ANKRD11: variants seen among roughly 807,000 people sequenced by gnomAD.
ANKRD11 encodes the protein ankyrin repeat domain 11.
In ANKRD11, 17 loss-of-function variants were observed where a neutral mutation model predicts 195.7. The ratio of observed to expected loss-of-function variants is 0.09; its 90% CI spans 0.06 to 0.13. The LOEUF (loss-of-function observed/expected upper bound fraction) is 0.13. Among genes scored for constraint, ANKRD11 ranks in the 10% least tolerant of loss-of-function variants. ANKRD11 has a pLI of 1.00. For missense variants in ANKRD11, 3,735 were observed against 3,566.1 expected, an observed-to-expected ratio of 1.05 and a Z score of -1.21; for synonymous variants, 1,953 against 1,528.1, an observed-to-expected ratio of 1.28 and a Z score of -6.49.
intron 7 of ANKRD11, chr16:89,287,877 C>T: frequency 3.1e-6 from 1 of 322,650 alleles, no homozygotes; most frequent in Non-Finnish European, 5.7e-6. Flanking sequence ...CAGATGTGGC[C>T]CCGTGTGACC....
intron 7 of ANKRD11, chr16:89,286,622 A>G: frequency 1.7e-6 from 2 of 1,188,186 alleles, no homozygotes; most frequent in Non-Finnish European, 2.1e-6. Flanking sequence ...GTGTTATGGA[A>G]AGGGTTGGGG....
rs546149399 is a variant in ANKRD11, at chr16:89,302,152, C to T, written c.226+3054G>A. 6.6e-5 allele frequency among the ~76,000 whole-genome samples: 10 copies of T among 152,362 alleles called. No homozygotes were observed. The East Asian group carries it at 1.2e-3, about 18-fold the overall frequency. On this transcript the variant is annotated intron_variant, in intron 4 of 12. Coordinates refer to ENST00000301030, the MANE Select transcript of ANKRD11 (RefSeq NM_013275.6). Reference sequence around the variant, plus strand: ...CACCCCACTCATTTCTGAGCAAGAACGGCTCCTCTGGGGGAAGGAGGGGAC... The same window carrying T: ...CACCCCACTCATTTCTGAGCAAGAATGGCTCCTCTGGGGGAAGGAGGGGAC...
At chr16:89,323,707 C>A in intron 2 of ANKRD11, 1 of 290,120 alleles carries the variant, frequency 3.4e-6, no homozygotes, top group Non-Finnish European at 6.7e-6. Flanking sequence ...CCTCCACACA[C>A]CCCTGCACGT....
chr16:89,359,353 T>TTA (rs1338839173), intron 2 of ANKRD11, among the ~76,000 whole-genome samples: 1 of 152,130 alleles, frequency 6.6e-6, no homozygotes, highest in Non-Finnish European at 1.5e-5. Context: ...GTACAGCCCT[T>TTA]TAAAAAGCAG....
intron 4 of ANKRD11, among the ~76,000 whole-genome samples, chr16:89,297,263 C>T (rs898477648): frequency 2.0e-5 from 3 of 152,188 alleles, no homozygotes; most frequent in Admixed American, 6.5e-5. Flanking sequence ...GCAACTCCTG[C>T]GTCCCACCGT....
intron 2 of ANKRD11, among the ~76,000 whole-genome samples, chr16:89,387,614 A>G (rs1311654252): frequency 6.7e-6 from 1 of 148,544 alleles, no homozygotes; most frequent in African/African-American, 2.5e-5. Flanking sequence ...CAGAGCTTGC[A>G]GTGAGCCGAG....
chr16:89,432,585 T>G (rs1387297821), intron 1 of ANKRD11, among the ~76,000 whole-genome samples: 3 of 152,178 alleles, frequency 2.0e-5, no homozygotes, highest in South Asian at 2.1e-4. Context: ...GGTCTTGACT[T>G]TCTTCCTTAT....
intron 2 of ANKRD11, among the ~76,000 whole-genome samples, chr16:89,365,102 G>T (rs2039890047): frequency 6.6e-6 from 1 of 152,150 alleles, no homozygotes. Context: ...AAAGTGACAA[G>T]ACTCTCCTTC....
intron 2 of ANKRD11, among the ~76,000 whole-genome samples, chr16:89,384,879 C>CCTTTTTTTTTTTTTTTTTTTTT (rs2040832561): frequency 2.0e-5 from 1 of 49,910 alleles, no homozygotes; most frequent in African/African-American, 7.9e-5. Context: ...AAATAGTTTT[C>CCTTTTTTTTTTTTTTTTTTTTT]TTTTTTTTTT....
intron 1 of ANKRD11, among the ~76,000 whole-genome samples, chr16:89,459,805 T>C (rs1329200838): frequency 2.0e-5 from 3 of 151,946 alleles, no homozygotes; most frequent in Non-Finnish European, 2.9e-5. Flanking sequence ...ATGGTGGTCG[T>C]GCCTGCAGTC....
chr16:89,270,215 C>T (rs1457891457), intron 12 of ANKRD11: 4 of 182,348 alleles, frequency 2.2e-5, no homozygotes, highest in Non-Finnish European at 3.5e-5. Context: ...TGCAGTATGA[C>T]ACACGGGTGC....
At position 89,440,008 on chromosome 16, in the gene ANKRD11, C is replaced by T. The variant is rs1001492704; in HGVS notation, c.-144-21640G>A. Among the ~76,000 whole-genome samples, 8 of 152,346 alleles carry T rather than the reference C, an allele frequency of 5.3e-5. 1 individual carries two copies. In the South Asian group the frequency reaches 1.0e-3, roughly 20 times the overall value. On this transcript the variant is annotated intron_variant, in intron 1 of 12. Coordinates refer to ENST00000301030, the MANE Select transcript of ANKRD11 (RefSeq NM_013275.6). ...CAGCCCACTACCTTAACTCCATAATCTGTGACTTGGCTCTTATGAGGAAGC... is the reference window on the plus strand; with the variant it reads ...CAGCCCACTACCTTAACTCCATAATTTGTGACTTGGCTCTTATGAGGAAGC...
chr16:89,317,634 G>A (rs3102356), intron 2 of ANKRD11, among the ~76,000 whole-genome samples: 3,027 of 152,236 alleles, frequency 0.02, 62 homozygotes, highest in East Asian at 0.096. Flanking sequence ...GTCTCTGAGC[G>A]AGTCCCAGCA....
At chr16:89,420,805 C>G (rs531523376) in intron 1 of ANKRD11, among the ~76,000 whole-genome samples, 1 of 152,328 alleles carries the variant, frequency 6.6e-6, no homozygotes, top group Admixed American at 6.5e-5. Flanking sequence ...CGGCCTCAAC[C>G]TCCTGGGCCC....
intron 1 of ANKRD11, among the ~76,000 whole-genome samples, chr16:89,446,297 C>T (rs558411676): frequency 2.6e-5 from 4 of 152,186 alleles, no homozygotes; most frequent in Admixed American, 2.0e-4. Context: ...GTGACAGCTG[C>T]ATCTAAACAG....
At chr16:89,416,018 T>C (rs2042296501) in intron 2 of ANKRD11, among the ~76,000 whole-genome samples, 1 of 151,776 alleles carries the variant, frequency 6.6e-6, no homozygotes, top group African/African-American at 2.4e-5. Flanking sequence ...CTAAGGGCCT[T>C]CCTCGTATTC....
rs371191472 is a variant in ANKRD11, at chr16:89,372,087, G to A, written c.-60+46197C>T. 2.6e-4 allele frequency among the ~76,000 whole-genome samples: 39 copies of A among 152,298 alleles called. No individual in the cohort carries two copies. In the East Asian group the frequency reaches 5.4e-3, roughly 21 times the overall value. On this transcript the variant is annotated intron_variant, in intron 2 of 12. Transcript: ENST00000301030. Reference sequence around the variant, plus strand: ...CCCCAGGTGGACTGAGGAACCACAAGGACCACCACGGCGGGCACCCGGCCC... The same window carrying A: ...CCCCAGGTGGACTGAGGAACCACAAAGACCACCACGGCGGGCACCCGGCCC...
At position 89,375,441 on chromosome 16, in the gene ANKRD11, G is replaced by C. The variant is rs373480104; in HGVS notation, c.-60+42843C>G. The stretch of plus-strand genomic sequence containing the variant: ...TGACAAGCCGCTGCGCTCCCGCCCA[G>C]GCAACACAGCAAGACTCTATCTCTT... On this transcript the variant is annotated intron_variant, in intron 2 of 12. Coordinates refer to ENST00000301030, the MANE Select transcript of ANKRD11 (RefSeq NM_013275.6). Among the ~76,000 whole-genome samples, 7 of 148,134 alleles carry C rather than the reference G, an allele frequency of 4.7e-5. No individual in the cohort carries two copies. The East Asian group carries it at 1.2e-3, about 26-fold the overall frequency.
At chr16:89,307,307 C>T (rs905749375) in intron 3 of ANKRD11, among the ~76,000 whole-genome samples, 2 of 152,216 alleles carry the variant, frequency 1.3e-5, no homozygotes, top group African/African-American at 4.8e-5. Context: ...GACCCTGATA[C>T]ATCTTCCAGC....
Sources: allele counts gnomAD v4.1 joint callset (sites outside exome capture counted in the v4.1 genomes callset), GRCh38; gene constraint gnomAD v4.1.1; transcripts MANE v1.5; gene names NCBI Gene and HGNC (gene_info 2026-07-23, HGNC 2026-07-21).